RBFOX3: variants seen among roughly 807,000 people sequenced by gnomAD.
RBFOX3 encodes RNA binding protein fox-1 homolog 3.
RBFOX3 carries 17 observed loss-of-function variants against 48.7 expected under a neutral mutation model. The ratio of observed to expected loss-of-function variants is 0.35; its 90% CI spans 0.24 to 0.52. The LOEUF is 0.52. Ranked by LOEUF, RBFOX3 falls within the 20% of genes least tolerant of loss-of-function variation. RBFOX3 has a pLI of 0.94. For synonymous variants in RBFOX3, 212 were observed against 209.5 expected, an observed-to-expected ratio of 1.01 and a Z score of -0.10; for missense variants, 382 against 497.5, an observed-to-expected ratio of 0.77 and a Z score of 2.21.
intron 3 of RBFOX3, among the ~76,000 whole-genome samples, chr17:79,256,949 A>AAAAC (rs1491317954): frequency 2.1e-4 from 3 of 14,368 alleles, no homozygotes; most frequent in African/African-American, 4.4e-4. Context: ...AAAACAAAAC[A>AAAAC]AAAAAAAAAC....
intron 4 of RBFOX3, among the ~76,000 whole-genome samples, chr17:79,200,615 T>A (rs559137662): frequency 1.3e-5 from 2 of 152,226 alleles, no homozygotes; most frequent in East Asian, 3.9e-4. Flanking sequence ...CCTTGGTGGG[T>A]TGGGACATGA....
At chr17:79,155,107 G>A (rs979894062) in intron 4 of RBFOX3, among the ~76,000 whole-genome samples, 7 of 152,258 alleles carry the variant, frequency 4.6e-5, no homozygotes, top group East Asian at 3.9e-4. Context: ...AGCGGTTCCC[G>A]GGGCAGCAGC....
At position 79,238,416 on chromosome 17, in the gene RBFOX3, A is replaced by G. The variant is rs1219214414; in HGVS notation, c.-73-2611T>C. On this transcript the variant is annotated intron_variant, in intron 3 of 14. Coordinates refer to ENST00000693108, the MANE Select transcript of RBFOX3 (RefSeq NM_001350451.2). ...CTCTGCTGGAGGCAGGCTCGGGCCC[A>G]TGGGCTGAGAAGGTGAAGCAGGACT... is the stretch of plus-strand genomic sequence containing the variant. Among the ~76,000 whole-genome samples the G allele has an allele frequency of 1.3e-5, 2 of 152,342 alleles. 1 individual carries two copies. The highest frequency in any genetic ancestry group is 4.8e-5 in the African/African-American group (2 of 41,576).
At chr17:79,664,007 C>T in the RBFOX3 span, among the ~76,000 whole-genome samples, 2 of 152,200 alleles carry the variant, frequency 1.3e-5, no homozygotes, top group South Asian at 2.1e-4. Flanking sequence ...CAGGTCCCGA[C>T]GAGCAGGCCT....
chr17:79,350,245 C>T (rs2146962476), intron 2 of RBFOX3, among the ~76,000 whole-genome samples: 1 of 152,198 alleles, frequency 6.6e-6, no homozygotes, highest in East Asian at 1.9e-4. Context: ...GCGCCCCATC[C>T]CGCCTCTCCA....
intron 4 of RBFOX3, among the ~76,000 whole-genome samples, chr17:79,139,077 CAT>C (rs1268128920): frequency 1.3e-5 from 2 of 150,116 alleles, no homozygotes; most frequent in East Asian, 3.9e-4. Context: ...CCCACACACA[CAT>C]GCACACAAGC....
intron 8 of RBFOX3, 99 bp from the exon 9 acceptor site, chr17:79,101,743 C>A (rs557259343): frequency 5.6e-6 from 6 of 1,062,512 alleles, no homozygotes; most frequent in South Asian, 4.1e-5. Flanking sequence ...GCCCCCGGCA[C>A]CCCCCGCCCC....
At chr17:79,338,083 C>A (rs995212990) in intron 2 of RBFOX3, among the ~76,000 whole-genome samples, 1 of 152,018 alleles carries the variant, frequency 6.6e-6, no homozygotes, top group African/African-American at 2.4e-5. Flanking sequence ...GGATTACAGG[C>A]ACCTGCCACC....
chr17:79,531,065 C>A (rs2087689893), intron 1 of RBFOX3, among the ~76,000 whole-genome samples: 1 of 152,242 alleles, frequency 6.6e-6, no homozygotes, highest in African/African-American at 2.4e-5. Flanking sequence ...CCAGGGGCTC[C>A]TCCCCGCCAG....
At chr17:79,207,892 A>G (rs972186560) in intron 4 of RBFOX3, among the ~76,000 whole-genome samples, 26 of 152,164 alleles carry the variant, frequency 1.7e-4, no homozygotes, top group African/African-American at 5.8e-4. Context: ...AAAAGGAGGA[A>G]TGGTTATTTC....
chr17:79,185,358 C>G (rs1192338627), intron 4 of RBFOX3, among the ~76,000 whole-genome samples: 26 of 152,202 alleles, frequency 1.7e-4, no homozygotes, highest in Admixed American at 1.7e-3. Context: ...CAGCCTAGGA[C>G]AGTGGTGGGG....
rs58432390 is a variant in RBFOX3 at position 79,190,432 on chromosome 17, CAAA to C, written c.-34+45331_-34+45333del. ...GTCTCACCAAAAAAAAAAAAAAAAA[CAAA>C]AAAACAGAGTGAAGAAGAAGAAAGG... On this transcript the variant is annotated intron_variant, in intron 4 of 14. Transcript: ENST00000693108. Among the ~76,000 whole-genome samples, 7 of 114,736 alleles carry C rather than the reference CAAA, an allele frequency of 6.1e-5. 1 individual carries two copies. Among genetic ancestry groups the C allele is most frequent in the South Asian group, 2.9e-4 (1 of 3,432 alleles). The allele number at this position is 114,736 out of a possible 152,430, so 75.3% of individuals were successfully genotyped here. A position where few individuals can be genotyped will look rare whatever the true frequency, so the allele number is the denominator to read the frequency against.
chr17:79,351,209 C>T (rs2083880969), intron 2 of RBFOX3, among the ~76,000 whole-genome samples: 1 of 152,220 alleles, frequency 6.6e-6, no homozygotes, highest in African/African-American at 2.4e-5. Flanking sequence ...GTGAACGATG[C>T]TGCTATGAAC....
chr17:79,118,815 A>T (rs1403920616), intron 4 of RBFOX3, among the ~76,000 whole-genome samples: 3 of 28,196 alleles, frequency 1.1e-4, no homozygotes, highest in African/African-American at 5.5e-4. Context: ...TACAAAAAAT[A>T]AAAAAAAAAA....
chr17:79,332,618 A>C (rs1301194569), intron 2 of RBFOX3, among the ~76,000 whole-genome samples: 1 of 152,054 alleles, frequency 6.6e-6, no homozygotes. Context: ...AGACACACAC[A>C]GAGAGACAAA....
rs149460340 is a variant in RBFOX3, at chr17:79,168,417, C to T, written c.-33-52669G>A. Reference sequence around the variant, plus strand: ...TCAAGATAAACTACACATTTTGTGACCTTATCTTAGCAATTTCTCTTCCTG... The same window carrying T: ...TCAAGATAAACTACACATTTTGTGATCTTATCTTAGCAATTTCTCTTCCTG... On this transcript the variant is annotated intron_variant, in intron 4 of 14. Coordinates refer to ENST00000693108, the MANE Select transcript of RBFOX3 (RefSeq NM_001350451.2). 5.9e-5 allele frequency among the ~76,000 whole-genome samples: 9 copies of T among 152,392 alleles called. No homozygotes were observed. The East Asian group carries it at 1.7e-3, about 29-fold the overall frequency.
chr17:79,387,717 G>T (rs1402439559), intron 2 of RBFOX3, among the ~76,000 whole-genome samples: 3 of 152,230 alleles, frequency 2.0e-5, no homozygotes, highest in South Asian at 2.1e-4. Flanking sequence ...TTCACTGGGA[G>T]CAGGAGGAAG....
intron 1 of RBFOX3, among the ~76,000 whole-genome samples, chr17:79,603,315 C>T (rs1441698174): frequency 3.9e-5 from 6 of 152,168 alleles, no homozygotes; most frequent in African/African-American, 1.2e-4. Context: ...CTTGACACCC[C>T]GCTGGCAGTG....
At chr17:79,542,205 G>T (rs1283012978) in intron 1 of RBFOX3, among the ~76,000 whole-genome samples, 1 of 152,062 alleles carries the variant, frequency 6.6e-6, no homozygotes, top group African/African-American at 2.4e-5. Context: ...AAACCCTGGC[G>T]GTGTCTAACT....
Sources: allele counts gnomAD v4.1 joint callset (sites outside exome capture counted in the v4.1 genomes callset), GRCh38; gene constraint gnomAD v4.1.1; transcripts MANE v1.5; gene names NCBI Gene and HGNC (gene_info 2026-07-23, HGNC 2026-07-21).